HBS1L: variants seen among roughly 807,000 people sequenced by gnomAD.
The protein encoded by HBS1L is HBS1-like protein.
In HBS1L, 55 loss-of-function variants were observed where a neutral mutation model predicts 88.9. The observed-to-expected ratio is 0.62, with a 90% confidence interval of 0.50 to 0.77. The LOEUF is 0.77. Ranked by LOEUF, HBS1L falls within the 30% of genes least tolerant of loss-of-function variation. The pLI, the probability that HBS1L is intolerant of heterozygous loss-of-function variation, is 0.00. For missense variants in HBS1L, 741 were observed against 829.3 expected (o/e 0.89, Z 1.31); for synonymous variants, 267 against 288.5 (o/e 0.93, Z 0.76).
At chr6:135,041,633 G>A (rs1776739794) in intron 3 of HBS1L, among the ~76,000 whole-genome samples, 2 of 151,912 alleles carry the variant, frequency 1.3e-5, no homozygotes. Context: ...TAACATCTTT[G>A]TAAGTAAAGG....
chr6:135,017,769 C>A (rs1775962394), intron 4 of HBS1L, among the ~76,000 whole-genome samples: 2 of 151,702 alleles, frequency 1.3e-5, no homozygotes, highest in South Asian at 4.2e-4. Context: ...CATGAGTGAC[C>A]TTTTTCCCTT....
intron 15 of HBS1L, among the ~76,000 whole-genome samples, chr6:134,973,332 T>C (rs910061974): frequency 3.3e-5 from 5 of 152,196 alleles, no homozygotes; most frequent in African/African-American, 1.2e-4. Context: ...CTAAGTGAAA[T>C]AAGCCAGACA....
chr6:135,000,266 G>A (rs1298451520), intron 5 of HBS1L, among the ~76,000 whole-genome samples: 3 of 134,144 alleles, frequency 2.2e-5, no homozygotes, highest in Admixed American at 7.7e-5. Flanking sequence ...TCAATATATT[G>A]CCCGAGCTGG....
chr6:135,007,188 ATT>A (rs1004931707), intron 4 of HBS1L, among the ~76,000 whole-genome samples: 1 of 151,978 alleles, frequency 6.6e-6, no homozygotes, highest in Non-Finnish European at 1.5e-5. Context: ...ATACTTTTTG[ATT>A]TTTTTTCTAT....
At chr6:135,003,995 T>C (rs1299518202) in intron 4 of HBS1L, among the ~76,000 whole-genome samples, 1 of 152,198 alleles carries the variant, frequency 6.6e-6, no homozygotes, top group Non-Finnish European at 1.5e-5. Flanking sequence ...CTTTTAAAAA[T>C]GTGTCTTTAT....
chr6:134,985,256 G>A (rs755113362), intron 12 of HBS1L, 85 bp downstream of exon 12: 13 of 785,396 alleles, frequency 1.7e-5, no homozygotes, highest in Non-Finnish European at 2.7e-5. Context: ...GCAATATACT[G>A]TCATAACTTA....
At chr6:134,989,675 T>A (rs1775076502) in intron 8 of HBS1L, among the ~76,000 whole-genome samples, 1 of 152,256 alleles carries the variant, frequency 6.6e-6, no homozygotes, top group African/African-American at 2.4e-5. Flanking sequence ...TTTGGTGGGA[T>A]AATTTACACT....
intron 11 of HBS1L, among the ~76,000 whole-genome samples, chr6:134,985,856 T>C (rs1774964477): frequency 6.6e-6 from 1 of 152,104 alleles, no homozygotes; most frequent in Admixed American, 6.6e-5. Flanking sequence ...GTCTATAAGA[T>C]ATGTAAACCA....
chr6:135,016,048 G>A (rs1445616305), intron 4 of HBS1L, among the ~76,000 whole-genome samples: 3 of 151,630 alleles, frequency 2.0e-5, no homozygotes, highest in African/African-American at 4.8e-5. Flanking sequence ...CACCATGCCC[G>A]GCTAATTTTT....
intron 15 of HBS1L, among the ~76,000 whole-genome samples, chr6:134,972,930 A>C (rs918723860): frequency 6.6e-6 from 1 of 152,218 alleles, no homozygotes; most frequent in African/African-American, 2.4e-5. Flanking sequence ...CACTACTAGA[A>C]AACTTGTTAT....
chr6:135,040,405 C>T (rs1029394914), intron 3 of HBS1L, among the ~76,000 whole-genome samples: 78 of 136,836 alleles, frequency 5.7e-4, no homozygotes, highest in Admixed American at 5.3e-3. Flanking sequence ...GGCTGGAATG[C>T]CAGTGGCGTG....
intron 8 of HBS1L, 95 bp downstream of exon 8, chr6:134,993,662 AT>A: frequency 3.9e-6 from 2 of 512,492 alleles, no homozygotes; most frequent in South Asian, 6.2e-5. Context: ...ATTTTAAAAT[AT>A]TTTAAAAGTC....
In HBS1L at chr6:134,966,408, AGCTCAAGAGCTATT is replaced by A; in HGVS notation, c.1950_1963del (p.Ala652Ter). On this transcript the variant is annotated frameshift_variant, in exon 17 of 18. Transcript: ENST00000367837. LOFTEE classifies it high-confidence loss of function. ...CCCCAGCTCTTTAAAGTCTTTATAT[AGCTCAAGAGCTATT>A]GGTCTTTGTGTCTGTAGCTCTACCA... 6.2e-7 allele frequency: 1 copy of A among 1,612,610 alleles called. No homozygotes were observed. Among genetic ancestry groups the A allele is most frequent in the Non-Finnish European group, 8.5e-7 (1 of 1,178,886 alleles).
At chr6:134,988,200 CA>C (rs955648496) in intron 8 of HBS1L, among the ~76,000 whole-genome samples, 1 of 151,842 alleles carries the variant, frequency 6.6e-6, no homozygotes, top group South Asian at 2.1e-4. Context: ...CCCATCTCTG[CA>C]AAAAATACAA....
intron 16 of HBS1L, among the ~76,000 whole-genome samples, chr6:134,967,184 A>G (rs887735147): frequency 6.6e-6 from 1 of 152,228 alleles, no homozygotes; most frequent in Non-Finnish European, 1.5e-5. Flanking sequence ...GCTCAGACTT[A>G]GTGAGAGAGG....
In HBS1L at chr6:135,041,951, T is replaced by C. The variant is rs111804989; in HGVS notation, c.235+50A>G. 2.2e-4 allele frequency: 344 copies of C among 1,548,826 alleles called. 1 individual carries two copies. Among genetic ancestry groups the C allele is most frequent in the Middle Eastern group, 1.5e-3 (8 of 5,186 alleles). On this transcript the variant is annotated intron_variant, in intron 3 of 17. Transcript: ENST00000367837. ...AATAAAACTGATAAATTCTGGTGTA[T>C]TTGGTCATTAATCACTTTCAGATAA...
At chr6:134,967,948 G>T (rs1399151453) in intron 16 of HBS1L, among the ~76,000 whole-genome samples, 2 of 152,166 alleles carry the variant, frequency 1.3e-5, no homozygotes, top group Non-Finnish European at 1.5e-5. Flanking sequence ...ACAAGCTAAA[G>T]ACTCAGGTTA....
intron 12 of HBS1L, chr6:134,983,535 T>C (rs907019635): frequency 1.3e-5 from 2 of 152,126 alleles, no homozygotes; most frequent in African/African-American, 4.8e-5. Flanking sequence ...CATTTTAGGC[T>C]TGGTAAATCT....
At chr6:135,040,346 T>C (rs1340007854) in intron 3 of HBS1L, among the ~76,000 whole-genome samples, 119 of 53,548 alleles carry the variant, frequency 2.2e-3, no homozygotes, top group African/African-American at 9.1e-3. Context: ...TAGGCATTCT[T>C]TTTTTTTTTT....
Sources: gnomAD v4.1 joint callset for allele counts (sites outside exome capture counted in the v4.1 genomes callset) on GRCh38, gnomAD v4.1.1 for gene constraint, MANE v1.5 for transcripts, NCBI Gene and HGNC (gene_info 2026-07-23, HGNC 2026-07-21) for gene names.